CRIM1: variants seen among roughly 807,000 people sequenced by gnomAD.
The protein encoded by CRIM1 is cysteine-rich motor neuron 1 protein.
A neutral mutation model predicts 116.4 loss-of-function variants in CRIM1; 32 were observed. That is an observed-to-expected ratio of 0.27 (90% CI 0.21 to 0.37). CRIM1 has a LOEUF of 0.37. Ranked by LOEUF, CRIM1 falls within the 10% of genes least tolerant of loss-of-function variation. CRIM1 has a pLI of 1.00. For synonymous variants in CRIM1, 590 were observed against 509.2 expected, an observed-to-expected ratio of 1.16 and a Z score of -2.13; for missense variants, 1,331 against 1,354.8, an observed-to-expected ratio of 0.98 and a Z score of 0.28.
intron 2 of CRIM1, among the ~76,000 whole-genome samples, chr2:36,423,056 A>G (rs938441839): frequency 3.3e-5 from 5 of 152,254 alleles, no homozygotes; most frequent in African/African-American, 7.2e-5. Flanking sequence ...AATTACTTCC[A>G]TACTAGAGTA....
intron 6 of CRIM1, among the ~76,000 whole-genome samples, chr2:36,477,605 T>A (rs914280333): frequency 6.6e-6 from 1 of 152,148 alleles, no homozygotes; most frequent in Non-Finnish European, 1.5e-5. Flanking sequence ...TGGTATCAGG[T>A]CACCACCTGG....
chr2:36,541,080 C>T (rs1233149731), intron 14 of CRIM1, among the ~76,000 whole-genome samples: 1 of 152,174 alleles, frequency 6.6e-6, no homozygotes, highest in African/African-American at 2.4e-5. Context: ...TTGCCACCTT[C>T]TGTTTGATCC....
intron 4 of CRIM1, among the ~76,000 whole-genome samples, chr2:36,456,858 A>G (rs1383901559): frequency 2.0e-5 from 3 of 152,014 alleles, no homozygotes; most frequent in East Asian, 3.9e-4. Flanking sequence ...ACTCACGTCA[A>G]GGTAGTAATT....
intron 5 of CRIM1, among the ~76,000 whole-genome samples, chr2:36,470,218 T>C (rs546457534): frequency 1.1e-3 from 171 of 152,350 alleles, no homozygotes; most frequent in Non-Finnish European, 1.6e-3. Context: ...CCTCCATGAA[T>C]AGTCCTTCTC....
chr2:36,375,088 T>C (rs1670224940), intron 1 of CRIM1, among the ~76,000 whole-genome samples: 1 of 152,186 alleles, frequency 6.6e-6, no homozygotes, highest in South Asian at 2.1e-4. Flanking sequence ...GTACTAGATA[T>C]TAACTTCAAA....
chr2:36,482,076 T>G (rs892429570), intron 7 of CRIM1, among the ~76,000 whole-genome samples: 1 of 152,172 alleles, frequency 6.6e-6, no homozygotes, highest in Non-Finnish European at 1.5e-5. Context: ...GGCAGCCCCC[T>G]CCACCTCAAC....
At chr2:36,477,210 G>T (rs1679053720) in intron 6 of CRIM1, 139 bp downstream of exon 6, 1 of 678,800 alleles carries the variant, frequency 1.5e-6, no homozygotes, top group Non-Finnish European at 2.4e-6. Context: ...AGACACCATG[G>T]TCTGTCTTTT....
chr2:36,363,529 G>GCC (rs59203042), intron 1 of CRIM1, among the ~76,000 whole-genome samples: 8,338 of 77,328 alleles, frequency 0.11, 1,828 homozygotes, highest in Non-Finnish European at 0.18. Context: ...AGTCGTCGCC[G>GCC]CCCCCCCCCC....
At chr2:36,363,705 G>T (rs376147952) in intron 1 of CRIM1, among the ~76,000 whole-genome samples, 1 of 152,196 alleles carries the variant, frequency 6.6e-6, no homozygotes, top group African/African-American at 2.4e-5. Context: ...GGAGGAGGCG[G>T]GAACCTAGAT....
chr2:36,510,099 A>C lies in CRIM1; in HGVS notation c.1618A>C (p.Arg540=), dbSNP rs958898640. 1.2e-6 allele frequency: 2 copies of C among 1,614,126 alleles called. No homozygotes were observed. The highest frequency in any genetic ancestry group is 2.7e-5 in the African/African-American group (2 of 74,950). The change falls in exon 9 of 17, where the codon AGA becomes CGA. Residue 540 remains arginine, a synonymous_variant. Coordinates refer to ENST00000280527, the MANE Select transcript of CRIM1 (RefSeq NM_016441.3). ...GTGCCGCCCAAGGCCCAAGAAGTGC[A>C]GACCCATAATCTGTGACAAGTATTG... ...CECRPRPKKC[R]PIICDKYCPL...
chr2:36,385,475 T>G (rs1159537699), intron 1 of CRIM1, among the ~76,000 whole-genome samples: 1 of 152,152 alleles, frequency 6.6e-6, no homozygotes, highest in African/African-American at 2.4e-5. Context: ...GATGATAGAT[T>G]AGTTGAGATC....
intron 8 of CRIM1, among the ~76,000 whole-genome samples, chr2:36,509,067 C>T (rs180755790): frequency 3.6e-4 from 55 of 152,216 alleles, no homozygotes; most frequent in African/African-American, 1.3e-3. Context: ...AAAAACATAT[C>T]TAAATGTAAC....
intron 14 of CRIM1, 149 bp downstream of exon 14, chr2:36,537,695 A>C: frequency 1.2e-6 from 1 of 860,598 alleles, no homozygotes; most frequent in Non-Finnish European, 1.7e-6. Flanking sequence ...CAAAGACCCT[A>C]TGGGTAACTT....
chr2:36,358,848 A>G (rs930818037), intron 1 of CRIM1, among the ~76,000 whole-genome samples: 1 of 152,110 alleles, frequency 6.6e-6, no homozygotes, highest in African/African-American at 2.4e-5. Context: ...GTTACCTGGC[A>G]TGATATAATG....
At chr2:36,415,269 T>A (rs1223374994) in intron 2 of CRIM1, among the ~76,000 whole-genome samples, 2 of 152,138 alleles carry the variant, frequency 1.3e-5, no homozygotes, top group Non-Finnish European at 2.9e-5. Context: ...CTTGAGAAAC[T>A]GAGAGTATAC....
intron 2 of CRIM1, among the ~76,000 whole-genome samples, chr2:36,418,894 C>T (rs926571925): frequency 2.6e-5 from 4 of 152,130 alleles, no homozygotes; most frequent in Non-Finnish European, 5.9e-5. Context: ...AGATGATGGT[C>T]CCAGCGCTGT....
chr2:36,433,688 T>A (rs760419381), intron 2 of CRIM1, among the ~76,000 whole-genome samples: 12 of 152,332 alleles, frequency 7.9e-5, no homozygotes, highest in Non-Finnish European at 1.3e-4. Context: ...ATTTTTAAAA[T>A]CTTTGTGAGT....
At chr2:36,482,929 G>T (rs1225433218) in intron 7 of CRIM1, among the ~76,000 whole-genome samples, 4 of 152,158 alleles carry the variant, frequency 2.6e-5, no homozygotes, top group Admixed American at 1.3e-4. Context: ...GTGTCTTTTG[G>T]TTACTCCTGG....
At chr2:36,442,940 A>G (rs1157975049) in intron 4 of CRIM1, among the ~76,000 whole-genome samples, 1 of 152,136 alleles carries the variant, frequency 6.6e-6, no homozygotes, top group Non-Finnish European at 1.5e-5. Flanking sequence ...TAAGTCGTTA[A>G]ACCTTATAGA....
Sources: allele counts gnomAD v4.1 joint callset (sites outside exome capture counted in the v4.1 genomes callset), GRCh38; gene constraint gnomAD v4.1.1; transcripts MANE v1.5; gene names NCBI Gene and HGNC (gene_info 2026-07-23, HGNC 2026-07-21).